Variants in IFT122 observed in about 807,000 individuals in gnomAD.
IFT122 encodes intraflagellar transport protein 122 homolog.
Under a neutral mutation model 161.6 loss-of-function variants are expected in IFT122, and 118 were observed. That is an observed-to-expected ratio of 0.73 (90% CI 0.63 to 0.85). IFT122 has a LOEUF of 0.85. Ranked by LOEUF, IFT122 falls within the 40% of genes least tolerant of loss-of-function variation. The pLI, the probability that IFT122 is intolerant of heterozygous loss-of-function variation, is 0.00. For missense variants in IFT122, 1,381 were observed against 1,579.6 expected, an observed-to-expected ratio of 0.87 and a Z score of 2.13; for synonymous variants, 550 against 602.4, an observed-to-expected ratio of 0.91 and a Z score of 1.27.
chr3:129,504,699 C>G (rs567930757), intron 21 of IFT122, among the ~76,000 whole-genome samples: 13 of 152,362 alleles, frequency 8.5e-5, no homozygotes, highest in African/African-American at 3.1e-4. Flanking sequence ...GTGCTGTGCA[C>G]TGCAGTGTAT....
intron 27 of IFT122, among the ~76,000 whole-genome samples, chr3:129,518,060 C>G (rs1017136871): frequency 6.6e-6 from 1 of 152,246 alleles, no homozygotes; most frequent in African/African-American, 2.4e-5. Context: ...TGGCCCAGCG[C>G]TCAGTCTGGT....
At chr3:129,491,193 C>T (rs1306805718) in intron 16 of IFT122, among the ~76,000 whole-genome samples, 4 of 152,206 alleles carry the variant, frequency 2.6e-5, no homozygotes, top group African/African-American at 7.2e-5. Flanking sequence ...GGGACTTGCT[C>T]ATCTCCCGAG....
intron 2 of IFT122, 72 bp from the exon 3 acceptor site, chr3:129,451,842 G>T: frequency 7.9e-7 from 1 of 1,261,132 alleles, no homozygotes. Context: ...AACAAAAATA[G>T]CAGTAGCAAC....
intron 3 of IFT122, among the ~76,000 whole-genome samples, chr3:129,455,285 G>A (rs1490855132): frequency 6.6e-6 from 1 of 151,722 alleles, no homozygotes; most frequent in African/African-American, 2.4e-5. Context: ...TGATTCTCCT[G>A]CCTCAGCCTC....
chr3:129,511,942 A>C (rs1055601451), intron 23 of IFT122, among the ~76,000 whole-genome samples: 1 of 152,242 alleles, frequency 6.6e-6, no homozygotes, highest in African/African-American at 2.4e-5. Flanking sequence ...AGTAGTTCAG[A>C]GAAATGGAAT....
At chr3:129,489,275 G>A (rs1330298479) in intron 16 of IFT122, among the ~76,000 whole-genome samples, 2 of 152,168 alleles carry the variant, frequency 1.3e-5, no homozygotes, top group African/African-American at 2.4e-5. Flanking sequence ...GGCTGAGAAC[G>A]AGCTGTGTCA....
intron 15 of IFT122, among the ~76,000 whole-genome samples, chr3:129,486,389 A>T (rs899178887): frequency 6.6e-6 from 1 of 152,200 alleles, no homozygotes; most frequent in Non-Finnish European, 1.5e-5. Flanking sequence ...CCCATCTTTC[A>T]GGTTTCGTCA....
chr3:129,461,217 T>C lies in IFT122; in HGVS notation c.273-11T>C, dbSNP rs765437372. The C allele has an allele frequency of 1.2e-6, 2 of 1,606,140 alleles. No homozygotes were observed. Among genetic ancestry groups the C allele is most frequent in the South Asian group, 2.2e-5 (2 of 90,896 alleles). The stretch of plus-strand genomic sequence containing the variant: ...TTGCTGCATAGTAATCTACAGTTGT[T>C]TACTTCCCAGGCACAATGATGCTAT... On this transcript the variant is annotated splice_polypyrimidine_tract_variant and intron_variant, in intron 4 of 29. Coordinates refer to ENST00000348417, the MANE Select transcript of IFT122 (RefSeq NM_052989.3).
chr3:129,476,878 A>G lies in IFT122; in HGVS notation c.1147+77A>G, dbSNP rs879616304. On this transcript the variant is annotated intron_variant, in intron 11 of 29. Coordinates refer to ENST00000348417, the MANE Select transcript of IFT122 (RefSeq NM_052989.3). ...AAGGGCTGGTGACAGGGCACTTGAAATGACAGGAAAAGGTTTCTCTTTGGC... is the reference window on the plus strand; with the variant it reads ...AAGGGCTGGTGACAGGGCACTTGAAGTGACAGGAAAAGGTTTCTCTTTGGC... 11 of 1,579,762 alleles carry G rather than the reference A, an allele frequency of 7.0e-6. No homozygotes were observed. In the African/African-American group the frequency reaches 9.5e-5, roughly 14 times the overall value.
intron 7 of IFT122, among the ~76,000 whole-genome samples, chr3:129,465,465 C>CT (rs61439083): frequency 0.025 from 2,485 of 101,232 alleles, 161 homozygotes; most frequent in African/African-American, 0.07. Context: ...ATTATATGCT[C>CT]TTTTTTTTTT....
chr3:129,447,619 TCTC>T (rs1454977415), intron 1 of IFT122, among the ~76,000 whole-genome samples: 1 of 152,258 alleles, frequency 6.6e-6, no homozygotes, highest in East Asian at 1.9e-4. Context: ...TTCAAGCAAT[TCTC>T]CTGCCTCAGC....
At chr3:129,519,878 G>A in intron 29 of IFT122, 146 bp downstream of exon 29, 1 of 993,332 alleles carries the variant, frequency 1.0e-6, no homozygotes, top group Non-Finnish European at 1.6e-6. Context: ...CCTCTCCCCT[G>A]CTTGCATTCC....
chr3:129,486,257 TG>T (rs1484045129), intron 15 of IFT122, among the ~76,000 whole-genome samples: 1 of 152,178 alleles, frequency 6.6e-6, no homozygotes, highest in African/African-American at 2.4e-5. Flanking sequence ...GCAGTTGGTG[TG>T]GTTCGGGGAA....
rs1410032136 is a variant in IFT122 at position 129,458,749 on chromosome 3, A to G, written c.272+72A>G. 5 of 1,215,438 alleles carry G rather than the reference A, an allele frequency of 4.1e-6. No individual in the cohort carries two copies. In the East Asian group the frequency reaches 9.3e-5, roughly 23 times the overall value. 75.3% of individuals were successfully genotyped at this position (1,215,438 alleles called of 1,614,324 possible). On this transcript the variant is annotated intron_variant, in intron 4 of 29. Coordinates refer to ENST00000348417, the MANE Select transcript of IFT122 (RefSeq NM_052989.3). ...TAATTGCAGCAAAAGCCTCTTAGAA[A>G]AGATGTAGGAGAAAACTTTTTTCTC...
Position 129,456,660 on chromosome 3 carries a change from C to T in IFT122, c.194-1939C>T, listed in dbSNP as rs760733132. ...TCAAAAAGGGCCAGTCGTGGTGACT[C>T]ATGCCTGTAATCACAGCACTTTGGA... On this transcript the variant is annotated intron_variant, in intron 3 of 29. Coordinates refer to ENST00000348417, the MANE Select transcript of IFT122 (RefSeq NM_052989.3). Among the ~76,000 whole-genome samples the T allele has an allele frequency of 2.3e-4, 35 of 151,936 alleles. 1 individual carries two copies. Among genetic ancestry groups the T allele is most frequent in the Non-Finnish European group, 4.4e-4 (30 of 67,998 alleles).
rs146987467 is a variant in IFT122 at position 129,487,682 on chromosome 3, C to T, written c.1852-575C>T. On this transcript the variant is annotated intron_variant, in intron 15 of 29. Transcript: ENST00000348417. Reference sequence around the variant, plus strand: ...GGCCATTCCAGACCGCTTCCTCCCACGAACTCATTCATTGTGTCAGCAAAC... The same window carrying T: ...GGCCATTCCAGACCGCTTCCTCCCATGAACTCATTCATTGTGTCAGCAAAC... 129 of 177,586 alleles carry T rather than the reference C, an allele frequency of 7.3e-4. 1 individual carries two copies. Among genetic ancestry groups the T allele is most frequent in the Admixed American group, 1.2e-3 (22 of 18,574 alleles). The allele number at this position is 177,586 out of a possible 1,614,324, so 11.0% of individuals were successfully genotyped here.
chr3:129,448,961 A>G (rs1449457082), intron 1 of IFT122, among the ~76,000 whole-genome samples: 1 of 152,142 alleles, frequency 6.6e-6, no homozygotes, highest in Admixed American at 6.5e-5. Flanking sequence ...GGCCTCCCAG[A>G]GTGCTGGGAT....
At chr3:129,510,627 C>T (rs924954854) in intron 23 of IFT122, among the ~76,000 whole-genome samples, 6 of 152,154 alleles carry the variant, frequency 3.9e-5, no homozygotes, top group Middle Eastern at 3.2e-3. Flanking sequence ...ACTTTTCTCT[C>T]GCTGCTCCCT....
At chr3:129,480,026 G>T (rs1478703143) in intron 13 of IFT122, 104 bp downstream of exon 13, 1 of 1,393,032 alleles carries the variant, frequency 7.2e-7, no homozygotes, top group Non-Finnish European at 1.0e-6. Flanking sequence ...CAGGAAAAGG[G>T]CTTCTCTCCT....
Sources: allele counts gnomAD v4.1 joint callset (sites outside exome capture counted in the v4.1 genomes callset), GRCh38; gene constraint gnomAD v4.1.1; transcripts MANE v1.5; gene names NCBI Gene and HGNC (gene_info 2026-07-23, HGNC 2026-07-21).